The following ZNF215 variants were observed in gnomAD, a reference collection of about 807,000 sequenced individuals.
ZNF215 encodes BWSCR2-associated zinc finger protein 2.
In ZNF215, 24 loss-of-function variants were observed where a neutral mutation model predicts 27.2. That is an observed-to-expected ratio of 0.88 (90% CI 0.64 to 1.24). The LOEUF is 1.24. ZNF215 is among the 50% of genes most tolerant of loss of function. The pLI is 0.00. For synonymous variants in ZNF215, 210 were observed against 204.0 expected, an observed-to-expected ratio of 1.03 and a Z score of -0.25; for missense variants, 675 against 605.7, an observed-to-expected ratio of 1.11 and a Z score of -1.20.
chr11:6,956,047 A>C lies in ZNF215; in HGVS notation c.1070A>C (p.Tyr357Ser), dbSNP rs771326908. 6 of 1,609,414 alleles carry C rather than the reference A, an allele frequency of 3.7e-6. No homozygotes were observed. The highest frequency in any genetic ancestry group is 5.1e-6 in the Non-Finnish European group (6 of 1,178,488). The change falls in exon 7 of 7, where the codon TAT becomes TCT. Residue 357 changes from tyrosine to serine, a missense_variant. Physicochemically the swap from Tyr to Ser is moderately radical, Grantham distance 144 (BLOSUM62 -2). Transcript: ENST00000278319. ...SVGKQHSEYE[Y>S]GNDLSLSTDI... ...GGTAAGCAACATTCAGAATATGAAT[A>C]TGGGAATGACTTGAGTTTGAGTACA...
chr11:6,929,164 G>T (rs577719924), intron 2 of ZNF215, among the ~76,000 whole-genome samples: 35 of 152,258 alleles, frequency 2.3e-4, no homozygotes, highest in African/African-American at 7.9e-4. Context: ...AAGCCAGAAG[G>T]CACCTGCCTC....
chr11:6,946,586 C>T (rs1349030179), intron 6 of ZNF215, among the ~76,000 whole-genome samples: 1 of 152,194 alleles, frequency 6.6e-6, no homozygotes, highest in African/African-American at 2.4e-5. Flanking sequence ...CACTCTTCCC[C>T]CCGTTCTTTA....
intron 5 of ZNF215, among the ~76,000 whole-genome samples, chr11:6,979,289 T>C (rs7942330): frequency 0.36 from 54,630 of 151,346 alleles, 10,465 homozygotes; most frequent in African/African-American, 0.5. Context: ...TAGAGGGACT[T>C]CTGCTAGCAA....
chr11:6,946,512 G>C (rs61878983), intron 6 of ZNF215, among the ~76,000 whole-genome samples: 1 of 152,162 alleles, frequency 6.6e-6, no homozygotes, highest in East Asian at 1.9e-4. Flanking sequence ...GATTCTAAGG[G>C]AACGCATTCT....
Position 6,932,147 on chromosome 11 carries a change from C to A in ZNF215, c.-126C>A. On this transcript the variant is annotated 5_prime_UTR_variant, in exon 3 of 7. Coordinates refer to ENST00000278319, the MANE Select transcript of ZNF215 (RefSeq NM_013250.4). ...TGTCTAAAGTTTCTGGAACTTTCCT[C>A]CTTACCGTGAAATAACTTGGCTTAA... The A allele has an allele frequency of 8.1e-7, 1 of 1,236,504 alleles. No individual in the cohort carries two copies. The highest frequency in any genetic ancestry group is 1.1e-6 in the Non-Finnish European group (1 of 903,618). 76.6% of individuals were successfully genotyped at this position (1,236,504 alleles called of 1,614,324 possible). A position where few individuals can be genotyped will look rare whatever the true frequency, so the allele number is the denominator to read the frequency against.
At chr11:6,972,729 A>G (rs1004551013) in intron 5 of ZNF215, among the ~76,000 whole-genome samples, 1 of 152,214 alleles carries the variant, frequency 6.6e-6, no homozygotes, top group African/African-American at 2.4e-5. Context: ...AAATTTTGAC[A>G]GAGATGAAAC....
intron 6 of ZNF215, among the ~76,000 whole-genome samples, chr11:6,945,957 A>G (rs1189352266): frequency 6.6e-6 from 1 of 152,164 alleles, no homozygotes; most frequent in Non-Finnish European, 1.5e-5. Flanking sequence ...CATGAAACTG[A>G]AGTCTGATTT....
At chr11:6,934,072 A>G (rs1315733504) in intron 3 of ZNF215, among the ~76,000 whole-genome samples, 2 of 152,186 alleles carry the variant, frequency 1.3e-5, no homozygotes, top group African/African-American at 2.4e-5. Context: ...GATTGGGGAC[A>G]GTGATTATAT....
In ZNF215 at chr11:6,956,412, C is replaced by T. The variant is rs142083471; in HGVS notation, c.1435C>T (p.Arg479Ter). ...KSFNRSSSLI[R>*]HQMIHTGEKP... ...CTTCAACCGGAGCTCCTCTCTTATT[C>T]GACACCAAATGATTCACACGGGAGA... Residue 479 changes from arginine (R) to a stop codon, truncating the protein, a stop_gained, in exon 7 of 7, where the codon CGA becomes TGA. Transcript: ENST00000278319. LOFTEE classifies it low-confidence loss of function (END_TRUNC). The T allele has an allele frequency of 3.5e-5, 57 of 1,614,004 alleles. No homozygotes were observed. The highest frequency in any genetic ancestry group is 4.5e-5 in the East Asian group (2 of 44,878).
At chr11:6,958,141 C>A, downstream of ZNF215, 1 of 909,742 alleles carries the variant, frequency 1.1e-6, no homozygotes, top group Non-Finnish European at 1.3e-6. Context: ...CAAGAGATAA[C>A]TTGTAGAGAA....
chr11:6,966,599 C>A (rs1850623823), intron 5 of ZNF215, among the ~76,000 whole-genome samples: 1 of 152,078 alleles, frequency 6.6e-6, no homozygotes, highest in Non-Finnish European at 1.5e-5. Flanking sequence ...CTTTTAATAT[C>A]TATAGGATCT....
chr11:6,958,151 A>T, downstream of ZNF215: 1 of 841,788 alleles, frequency 1.2e-6, no homozygotes. Flanking sequence ...CTTGTAGAGA[A>T]GCCTAACAAG....
At chr11:6,958,384 A>C (rs1272465739), downstream of ZNF215, among the ~76,000 whole-genome samples, 1 of 152,170 alleles carries the variant, frequency 6.6e-6, no homozygotes, top group Non-Finnish European at 1.5e-5. Flanking sequence ...GCCTAAGTAA[A>C]ATACTTATTT....
chr11:6,949,974 A>G (rs549737020), intron 6 of ZNF215, among the ~76,000 whole-genome samples: 211 of 152,166 alleles, frequency 1.4e-3, no homozygotes, highest in Non-Finnish European at 2.5e-3. Context: ...TCCCAGCACC[A>G]TTTATTAAAT....
chr11:6,952,878 G>T (rs995228452), intron 6 of ZNF215, among the ~76,000 whole-genome samples: 22 of 151,540 alleles, frequency 1.5e-4, no homozygotes, highest in Non-Finnish European at 2.4e-4. Context: ...GGTACCGGTT[G>T]TTCCTTTCCA....
At chr11:6,991,058 ATCC>A, downstream of ZNF215, among the ~76,000 whole-genome samples, 1 of 152,210 alleles carries the variant, frequency 6.6e-6, no homozygotes, top group Non-Finnish European at 1.5e-5. Flanking sequence ...CCAAAATTAT[ATCC>A]TCCTTTTCAA....
At chr11:6,951,090 A>G (rs1220229495) in intron 6 of ZNF215, among the ~76,000 whole-genome samples, 1 of 152,162 alleles carries the variant, frequency 6.6e-6, no homozygotes, top group African/African-American at 2.4e-5. Flanking sequence ...AGCCCACTTG[A>G]TCATGGTGGA....
downstream of ZNF215, chr11:6,958,075 C>A: frequency 1.0e-6 from 1 of 984,592 alleles, no homozygotes; most frequent in Non-Finnish European, 1.2e-6. Context: ...TATTGCAACA[C>A]AAGTTTTATT....
At chr11:6,940,571 A>G (rs1329154270) in intron 3 of ZNF215, among the ~76,000 whole-genome samples, 2 of 152,186 alleles carry the variant, frequency 1.3e-5, no homozygotes, top group African/African-American at 4.8e-5. Flanking sequence ...GGCCTCCCAA[A>G]GTGTTGGGAT....
Sources: allele counts gnomAD v4.1 joint callset (sites outside exome capture counted in the v4.1 genomes callset), GRCh38; gene constraint gnomAD v4.1.1; transcripts MANE v1.5; gene names NCBI Gene and HGNC (gene_info 2026-07-23, HGNC 2026-07-21).